ZNF568: variants seen among roughly 807,000 people sequenced by gnomAD.
ZNF568 encodes the protein zinc finger protein 568, also known as p53 inhibitor of SCO2 activation.
A neutral mutation model predicts 18.1 loss-of-function variants in ZNF568; 11 were observed. That is an observed-to-expected ratio of 0.61 (90% CI 0.38 to 1.00). ZNF568 has a LOEUF of 1.00. Ranked by LOEUF, ZNF568 falls within the 50% of genes least tolerant of loss-of-function variation. The probability of loss-of-function intolerance (pLI) is 0.01; values close to 1 mark genes in which losing one functional copy is unlikely to be tolerated. For missense variants in ZNF568, 639 were observed against 768.2 expected (o/e 0.83, Z 1.99); for synonymous variants, 213 against 246.6 (o/e 0.86, Z 1.28).
chr19:36,951,061 T>G lies in ZNF568; in HGVS notation c.1908T>G (p.His636Gln), dbSNP rs761100767. ...CCCTTTCTATACATAAGAGAGGTCA[T>G]ACAGGTGAGAGACACCAAGTATATT... ...RASLSIHKRG[H>Q]TGERHQVY The change falls in exon 7 of 7, where the codon CAT becomes CAG. Residue 636 changes from histidine to glutamine, a missense_variant. Transcript: ENST00000333987. 3.2e-6 allele frequency: 5 copies of G among 1,573,244 alleles called. No homozygotes were observed. The highest frequency in any genetic ancestry group is 2.4e-5 in the South Asian group (2 of 83,474).
In ZNF568 at chr19:36,952,131, A is replaced by AAT. The variant is rs146292508; in HGVS notation, c.*1053_*1054dup. 7.9e-3 allele frequency: 5,249 copies of AAT among 662,734 alleles called. 41 individuals are homozygous for AAT. The highest frequency in any genetic ancestry group is 0.032 in the African/African-American group (1,597 of 49,708). 41.1% of individuals were successfully genotyped at this position (662,734 alleles called of 1,614,324 possible). ...AGAAACTCACAAATAATGCATAAGA[A>AAT]ATATATATATAATATATGTATGTAT... On this transcript the variant is annotated 3_prime_UTR_variant, in exon 7 of 7. Transcript: ENST00000333987.
chr19:36,923,000 T>A (rs2073484141), intron 3 of ZNF568, among the ~76,000 whole-genome samples, 154 bp downstream of exon 3: 1 of 149,954 alleles, frequency 6.7e-6, no homozygotes, highest in Admixed American at 6.7e-5. Context: ...CATTTGACTA[T>A]TTGATTTTTT....
chr19:36,947,511 G>T (rs560048143), intron 6 of ZNF568, among the ~76,000 whole-genome samples: 17 of 152,302 alleles, frequency 1.1e-4, no homozygotes, highest in African/African-American at 4.1e-4. Flanking sequence ...TCTAGGAAAT[G>T]TAGTTTTAAC....
At chr19:36,986,633 C>A (rs75803228) in intron 2 of ZNF568, among the ~76,000 whole-genome samples, 2 of 152,054 alleles carry the variant, frequency 1.3e-5, no homozygotes, top group East Asian at 3.9e-4. Context: ...TTTTTTCCCC[C>A]CTCCGTGACT....
intron 4 of ZNF568, among the ~76,000 whole-genome samples, chr19:36,933,924 G>GTTTTTTT (rs140279289): frequency 1.7e-4 from 5 of 29,916 alleles, no homozygotes; most frequent in East Asian, 5.0e-4. Flanking sequence ...TTGTTTTTTT[G>GTTTTTTT]TTTTTTTTTT....
chr19:36,989,757 G>C (rs1219222831), intron 2 of ZNF568, among the ~76,000 whole-genome samples: 2 of 152,010 alleles, frequency 1.3e-5, no homozygotes, highest in Admixed American at 6.6e-5. Context: ...ATCTCACTGT[G>C]TTGGTCTTGA....
downstream of ZNF568, among the ~76,000 whole-genome samples, chr19:36,984,251 AC>A (rs1278754405): frequency 6.6e-6 from 1 of 152,144 alleles, no homozygotes; most frequent in African/African-American, 2.4e-5. Context: ...GCTTGTAATT[AC>A]TAATATAATT....
Position 36,990,919 on chromosome 19 carries a change from G to A in ZNF568, c.10-257G>A, listed in dbSNP as rs552043935. Reference sequence around the variant, plus strand: ...GGGAAACACCACTTACATGGACTTAGTTTATTCTCTGACCTGGGTAGATAA... The same window carrying A: ...GGGAAACACCACTTACATGGACTTAATTTATTCTCTGACCTGGGTAGATAA... On this transcript the variant is annotated intron_variant, in intron 2 of 4. Transcript: ENST00000433993. The A allele has an allele frequency of 1.5e-5, 5 of 336,962 alleles. No individual in the cohort carries two copies. The East Asian group carries it at 2.4e-4, about 16-fold the overall frequency. The allele number at this position is 336,962 out of a possible 1,614,324, so 20.9% of individuals were successfully genotyped here. A position where few individuals can be genotyped will look rare whatever the true frequency, so the allele number is the denominator to read the frequency against.
intron 6 of ZNF568, among the ~76,000 whole-genome samples, chr19:36,939,689 G>A (rs1253833898): frequency 1.3e-5 from 2 of 151,782 alleles, no homozygotes; most frequent in Non-Finnish European, 2.9e-5. Flanking sequence ...ACAGGCACGC[G>A]TGACCATGCC....
intron 4 of ZNF568, among the ~76,000 whole-genome samples, chr19:36,933,916 G>GT (rs1243440418): frequency 9.2e-4 from 19 of 20,690 alleles, no homozygotes; most frequent in East Asian, 3.3e-3. Flanking sequence ...TTTTTGTTTT[G>GT]TTTTTTTGTT....
chr19:36,918,672 G>C (rs1011917229), intron 2 of ZNF568, among the ~76,000 whole-genome samples: 1 of 152,090 alleles, frequency 6.6e-6, no homozygotes, highest in Non-Finnish European at 1.5e-5. Context: ...CCATATATAA[G>C]TGTACAGTTC....
intron 7 of ZNF568, among the ~76,000 whole-genome samples, chr19:36,976,133 A>G (rs16971866): frequency 9.9e-4 from 151 of 152,364 alleles, no homozygotes; most frequent in African/African-American, 3.3e-3. Context: ...AGGGAGTCAC[A>G]AAGAAAGTTT....
intron 6 of ZNF568, among the ~76,000 whole-genome samples, chr19:36,946,613 G>A (rs1342150135): frequency 6.7e-6 from 1 of 150,122 alleles, no homozygotes; most frequent in Non-Finnish European, 1.5e-5. Context: ...ATTTTAAAGA[G>A]GATAAAAGAA....
intron 3 of ZNF568, among the ~76,000 whole-genome samples, chr19:36,923,512 G>A (rs1333651578): frequency 6.6e-6 from 1 of 151,650 alleles, no homozygotes; most frequent in Non-Finnish European, 1.5e-5. Flanking sequence ...AAGTGAGCAT[G>A]TTGGACACCT....
chr19:36,941,749 CTGT>C (rs1450984013), intron 6 of ZNF568, among the ~76,000 whole-genome samples: 1 of 152,050 alleles, frequency 6.6e-6, no homozygotes, highest in Non-Finnish European at 1.5e-5. Flanking sequence ...CCTAATGTAG[CTGT>C]TATTATTTCT....
Position 36,959,471 on chromosome 19 carries a change from CTTTT to C in ZNF568, c.359-14947_359-14944del, listed in dbSNP as rs1359656929. 6.8e-3 allele frequency among the ~76,000 whole-genome samples: 1,037 copies of C among 152,108 alleles called. 5 individuals carry two copies. The highest frequency in any genetic ancestry group is 8.5e-3 in the Non-Finnish European group (579 of 67,972). On this transcript the variant is annotated intron_variant, in intron 6 of 7. Coordinates refer to the ZNF568 transcript ENST00000427117. ...TTGTCAGATATCAGCCTTTAGTTTTCTTTTTATGTTGTGTCCTTCTCTGGTTTTG... is the reference window on the plus strand; with the variant it reads ...TTGTCAGATATCAGCCTTTAGTTTTCTATGTTGTGTCCTTCTCTGGTTTTG...
rs897945972 is a variant in ZNF568 at position 36,961,883 on chromosome 19, T to TG, written c.359-12537_359-12536insG. 3.7e-4 allele frequency among the ~76,000 whole-genome samples: 35 copies of TG among 95,072 alleles called. No homozygotes were observed. In the East Asian group the frequency reaches 5.6e-3, roughly 15 times the overall value. The allele number at this position is 95,072 out of a possible 152,430, so 62.4% of individuals were successfully genotyped here. A position where few individuals can be genotyped will look rare whatever the true frequency, so the allele number is the denominator to read the frequency against. On this transcript the variant is annotated intron_variant, in intron 6 of 7. Transcript: ENST00000427117. ...CATATTGTTAATTGGTTAGGGTGTTTTTTTTTTTTTTTGAGACTTCTGGGC... is the reference window on the plus strand; with the variant it reads ...CATATTGTTAATTGGTTAGGGTGTTTGTTTTTTTTTTTTGAGACTTCTGGGC...
chr19:36,955,575 G>C (rs73620004), downstream of ZNF568, among the ~76,000 whole-genome samples: 1,992 of 152,230 alleles, frequency 0.013, 46 homozygotes, highest in African/African-American at 0.045. Flanking sequence ...GACTGAGACA[G>C]ACTTTGAAAA....
chr19:36,946,095 AAAT>A (rs1015504151), intron 6 of ZNF568, among the ~76,000 whole-genome samples: 2 of 151,946 alleles, frequency 1.3e-5, no homozygotes, highest in South Asian at 2.1e-4. Flanking sequence ...CTCTGTCTCA[AAAT>A]AATAATAATG....
Sources: gnomAD v4.1 joint callset for allele counts (sites outside exome capture counted in the v4.1 genomes callset) on GRCh38, gnomAD v4.1.1 for gene constraint, MANE v1.5 for transcripts, NCBI Gene and HGNC (gene_info 2026-07-23, HGNC 2026-07-21) for gene names.